Variants in SPARC observed in about 807,000 individuals in gnomAD.
The protein encoded by SPARC is secreted protein acidic and cysteine rich.
In SPARC, 23 loss-of-function variants were observed where a neutral mutation model predicts 37.7. That is an observed-to-expected ratio of 0.61 (90% CI 0.44 to 0.87). The LOEUF is 0.87. Ranked by LOEUF, SPARC falls within the 40% of genes least tolerant of loss-of-function variation. The pLI is 0.00. For synonymous variants in SPARC, 155 were observed against 150.8 expected (o/e 1.03, Z -0.20); for missense variants, 312 against 389.0 (o/e 0.80, Z 1.66).
In SPARC at chr5:151,662,595, G is replaced by A. The variant is rs1035753826; in HGVS notation, c.*976C>T. On this transcript the variant is annotated 3_prime_UTR_variant, in exon 10 of 10. Transcript: ENST00000231061. ...ATCCGACCATCCCATTAACTTTGAA[G>A]TTTCTCTTGATTAATAGAAGAAAAA... is the stretch of plus-strand genomic sequence containing the variant. 6.6e-6 allele frequency: 1 copy of A among 152,586 alleles called. No individual in the cohort carries two copies. Among genetic ancestry groups the A allele is most frequent in the Non-Finnish European group, 1.5e-5 (1 of 68,038 alleles). 9.5% of individuals were successfully genotyped at this position (152,586 alleles called of 1,614,324 possible).
chr5:151,672,498 G>A (rs1003747786), intron 4 of SPARC: 1 of 152,512 alleles, frequency 6.6e-6, no homozygotes, highest in African/African-American at 2.4e-5. Flanking sequence ...AGCTGGCGTG[G>A]AGAAGCCTAG....
chr5:151,685,261 C>G (rs1761105886), intron 1 of SPARC: 1 of 152,184 alleles, frequency 6.6e-6, no homozygotes, highest in East Asian at 1.9e-4. Flanking sequence ...CTCAACCACT[C>G]CCTTTTCAGA....
At chr5:151,680,516 G>A (rs373770098) in intron 1 of SPARC, among the ~76,000 whole-genome samples, 1 of 152,110 alleles carries the variant, frequency 6.6e-6, no homozygotes, top group African/African-American at 2.4e-5. Flanking sequence ...GATTATAGGC[G>A]TGAGCCACCA....
chr5:151,663,621 C>T (rs751419576), intron 9 of SPARC, 22 bp from the exon 10 acceptor site: 14 of 1,613,316 alleles, frequency 8.7e-6, no homozygotes, highest in East Asian at 2.2e-5. Context: ...GAAAAGAGCA[C>T]GGTTAAAAAT....
At chr5:151,667,018 G>A (rs951461140) in intron 7 of SPARC, among the ~76,000 whole-genome samples, 1 of 152,148 alleles carries the variant, frequency 6.6e-6, no homozygotes, top group Non-Finnish European at 1.5e-5. Context: ...GTGAGACTTT[G>A]CCTCAAAAAA....
rs1760527204 is a variant in SPARC, at chr5:151,662,487, C to T, written c.*1084G>A. 6.6e-6 allele frequency: 1 copy of T among 152,606 alleles called. No homozygotes were observed. Among genetic ancestry groups the T allele is most frequent in the Admixed American group, 6.5e-5 (1 of 15,282 alleles). The allele number at this position is 152,606 out of a possible 1,614,324, so 9.5% of individuals were successfully genotyped here. A position where few individuals can be genotyped will look rare whatever the true frequency, so the allele number is the denominator to read the frequency against. The stretch of plus-strand genomic sequence containing the variant: ...TTTGAAGGATTTGTGAAACTCTTCA[C>T]ATCATGGTGAGAGTTTGTATGATTA... On this transcript the variant is annotated 3_prime_UTR_variant, in exon 10 of 10. Coordinates refer to ENST00000231061, the MANE Select transcript of SPARC (RefSeq NM_003118.4).
rs889619192 is a variant in SPARC, at chr5:151,663,282, G to A, written c.*289C>T. ...TGTGTGTTTAAGGCAGAGCCCAGCAGATCCGTGTCCACCCATGTGCCAATA... is the reference window on the plus strand; with the variant it reads ...TGTGTGTTTAAGGCAGAGCCCAGCAAATCCGTGTCCACCCATGTGCCAATA... On this transcript the variant is annotated 3_prime_UTR_variant, in exon 10 of 10. Transcript: ENST00000231061. The A allele has an allele frequency of 9.3e-6, 4 of 431,352 alleles. No homozygotes were observed. The highest frequency in any genetic ancestry group is 8.7e-5 in the East Asian group (2 of 23,052). 26.7% of individuals were successfully genotyped at this position (431,352 alleles called of 1,614,324 possible).
rs59798142 is a variant in SPARC at position 151,663,511 on chromosome 5, T to C, written c.*60A>G. ...ACAAACCATCCAAACATTTTAAACA[T>C]TGGGGGAAACACGAAGGGGAGGGTT... On this transcript the variant is annotated 3_prime_UTR_variant, in exon 10 of 10. Transcript: ENST00000231061. The C allele has an allele frequency of 4.7e-4, 704 of 1,500,614 alleles. No homozygotes were observed. The African/African-American group carries it at 8.6e-3, about 18-fold the overall frequency. 93.0% of individuals were successfully genotyped at this position (1,500,614 alleles called of 1,614,324 possible).
In SPARC at chr5:151,666,515, G is replaced by T; in HGVS notation, c.586-6C>A. 1 of 1,613,406 alleles carries T rather than the reference G, an allele frequency of 6.2e-7. No individual in the cohort carries two copies. The highest frequency in any genetic ancestry group is 1.3e-5 in the African/African-American group (1 of 75,036). Reference sequence around the variant, plus strand: ...TTCTCATGGATCTTCTTCACCTGAGGGAGTAGAGACTGTGTGTGACAAGAG... The same window carrying T: ...TTCTCATGGATCTTCTTCACCTGAGTGAGTAGAGACTGTGTGTGACAAGAG... On this transcript the variant is annotated splice_polypyrimidine_tract_variant and splice_region_variant and intron_variant, in intron 7 of 9. Coordinates refer to ENST00000231061, the MANE Select transcript of SPARC (RefSeq NM_003118.4).
chr5:151,663,981 C>G lies in SPARC; in HGVS notation c.883+106G>C, dbSNP rs41290585. 61,229 of 1,354,566 alleles carry G rather than the reference C, an allele frequency of 0.045. 1,645 individuals are homozygous for G. Among genetic ancestry groups the G allele is most frequent in the Non-Finnish European group, 0.055 (52,469 of 960,878 alleles). 83.9% of individuals were successfully genotyped at this position (1,354,566 alleles called of 1,614,324 possible). ...AGAGAGCAGAGACAGGCAGAGAGGA[C>G]AGACAACAGACAGACCAAGAGAGCG... On this transcript the variant is annotated intron_variant, in intron 9 of 9. Coordinates refer to ENST00000231061, the MANE Select transcript of SPARC (RefSeq NM_003118.4).
chr5:151,685,386 A>G (rs1318274609), intron 1 of SPARC, among the ~76,000 whole-genome samples: 6 of 148,584 alleles, frequency 4.0e-5, no homozygotes, highest in Non-Finnish European at 8.9e-5. Flanking sequence ...GACCACCCAT[A>G]TTCATCCTCT....
At chr5:151,663,705 G>C in intron 9 of SPARC, 106 bp from the exon 10 acceptor site, 1 of 1,123,660 alleles carries the variant, frequency 8.9e-7, no homozygotes, top group African/African-American at 1.5e-5. Context: ...CAGGGGTCTA[G>C]GTGGCCATGC....
chr5:151,672,867 G>A, intron 4 of SPARC: 1 of 486,746 alleles, frequency 2.1e-6, no homozygotes, highest in South Asian at 2.3e-5. Context: ...AGAGCTATGA[G>A]GGGAGAAGCC....
intron 6 of SPARC, 48 bp downstream of exon 6, chr5:151,669,616 G>A: frequency 6.3e-7 from 1 of 1,598,566 alleles, no homozygotes; most frequent in Non-Finnish European, 8.6e-7. Flanking sequence ...TGCCAGCTCA[G>A]AGCTCTCTCC....
chr5:151,670,540 CT>C (rs1389445707), intron 5 of SPARC, among the ~76,000 whole-genome samples: 1 of 152,174 alleles, frequency 6.6e-6, no homozygotes, highest in Non-Finnish European at 1.5e-5. Context: ...GTCTTTTTCC[CT>C]TACGATCCAG....
At chr5:151,676,823 A>C (rs1760868649) in intron 1 of SPARC, 1 of 152,198 alleles carries the variant, frequency 6.6e-6, no homozygotes, top group South Asian at 2.1e-4. Context: ...GGGAGAAGTT[A>C]ATAGGCAGGA....
At chr5:151,683,107 G>A (rs1761035864) in intron 1 of SPARC, among the ~76,000 whole-genome samples, 1 of 152,076 alleles carries the variant, frequency 6.6e-6, no homozygotes, top group Admixed American at 6.5e-5. Context: ...GAGGGAGGGA[G>A]GGAGGGAGGC....
chr5:151,684,752 A>G (rs990229388), intron 1 of SPARC, among the ~76,000 whole-genome samples: 1 of 152,056 alleles, frequency 6.6e-6, no homozygotes, highest in Admixed American at 6.6e-5. Context: ...TCTACACACT[A>G]TCTACCCCCT....
At chr5:151,677,631 G>A (rs1478425165) in intron 1 of SPARC, among the ~76,000 whole-genome samples, 1 of 152,022 alleles carries the variant, frequency 6.6e-6, no homozygotes, top group Non-Finnish European at 1.5e-5. Context: ...TGGCAGCCTC[G>A]GTCCTTAAAA....
Sources: gnomAD v4.1 joint callset for allele counts (sites outside exome capture counted in the v4.1 genomes callset) on GRCh38, gnomAD v4.1.1 for gene constraint, MANE v1.5 for transcripts, NCBI Gene and HGNC (gene_info 2026-07-23, HGNC 2026-07-21) for gene names.